The following CUBN variants were observed in gnomAD, a reference collection of about 807,000 sequenced individuals.
The protein encoded by CUBN is 460 kDa receptor.
CUBN carries 282 observed loss-of-function variants against 405.3 expected under a neutral mutation model. The observed-to-expected ratio is 0.70, with a 90% CI of 0.63 to 0.77. CUBN has a LOEUF of 0.77. Ranked by LOEUF, CUBN falls within the 30% of genes least tolerant of loss-of-function variation. CUBN has a pLI of 0.00. For missense variants in CUBN, 4,514 were observed against 4,475.2 expected (o/e 1.01, Z -0.25); for synonymous variants, 1,684 against 1,617.0 (o/e 1.04, Z -0.99).
chr10:17,015,983 T>C (rs1399768687), intron 28 of CUBN, among the ~76,000 whole-genome samples: 1 of 152,212 alleles, frequency 6.6e-6, no homozygotes, highest in Admixed American at 6.5e-5. Flanking sequence ...ATCCCTATTA[T>C]AGAACACCGA....
At chr10:17,081,303 A>G (rs1835961421) in intron 17 of CUBN, among the ~76,000 whole-genome samples, 1 of 152,166 alleles carries the variant, frequency 6.6e-6, no homozygotes, top group African/African-American at 2.4e-5. Context: ...AAGTACACCT[A>G]TTCACATGCA....
At chr10:16,934,940 G>A (rs867476648) in intron 39 of CUBN, among the ~76,000 whole-genome samples, 5 of 152,088 alleles carry the variant, frequency 3.3e-5, no homozygotes, top group East Asian at 1.9e-4. Context: ...GTTTGTTACC[G>A]CCATATGGCT....
At chr10:16,952,226 C>T (rs1842939176) in intron 33 of CUBN, 50 bp downstream of exon 33, 1 of 1,356,640 alleles carries the variant, frequency 7.4e-7, no homozygotes, top group South Asian at 1.2e-5. Flanking sequence ...GACCTTCCCA[C>T]AGACACCTTC....
chr10:16,928,343 G>A (rs779961543), intron 40 of CUBN, 40 bp from the exon 41 acceptor site: 54 of 1,606,818 alleles, frequency 3.4e-5, no homozygotes, highest in Non-Finnish European at 4.1e-5. Flanking sequence ...AATACATCTT[G>A]AGAATCTACT....
In CUBN at chr10:17,044,957, G is replaced by A. The variant is rs76580699; in HGVS notation, c.3672+50C>T. The A allele has an allele frequency of 1.6e-3, 2,387 of 1,536,618 alleles. 58 individuals carry two copies. The East Asian group carries it at 0.046, about 30-fold the overall frequency. On this transcript the variant is annotated intron_variant, in intron 25 of 66. Coordinates refer to ENST00000377833, the MANE Select transcript of CUBN (RefSeq NM_001081.4). ...GAAAATAAAAATAAGTGCATTGTGC[G>A]TTGGGTGAGATGGGAGCAGGGAACA...
At chr10:16,898,480 A>C (rs920919153) in intron 54 of CUBN, among the ~76,000 whole-genome samples, 4 of 152,182 alleles carry the variant, frequency 2.6e-5, no homozygotes, top group African/African-American at 9.7e-5. Context: ...ACTTTTAGAG[A>C]TATAACTTGG....
At chr10:17,075,660 C>T (rs1835842371) in intron 17 of CUBN, among the ~76,000 whole-genome samples, 1 of 152,074 alleles carries the variant, frequency 6.6e-6, no homozygotes. Flanking sequence ...ATGATTCAGC[C>T]ATATGATAGA....
At chr10:16,831,476 T>A in intron 64 of CUBN, 59 bp from the exon 65 acceptor site, 2 of 1,386,580 alleles carry the variant, frequency 1.4e-6, no homozygotes, top group Non-Finnish European at 1.0e-6. Context: ...GTATATACAT[T>A]AAAATGGAGA....
intron 28 of CUBN, among the ~76,000 whole-genome samples, chr10:17,001,338 A>G (rs1472281859): frequency 6.6e-6 from 1 of 152,112 alleles, no homozygotes; most frequent in East Asian, 1.9e-4. Context: ...TTATTCCCTT[A>G]TTTGGCCCCG....
intron 17 of CUBN, among the ~76,000 whole-genome samples, chr10:17,082,234 A>G (rs1835989599): frequency 6.6e-6 from 1 of 152,236 alleles, no homozygotes; most frequent in African/African-American, 2.4e-5. Flanking sequence ...ATCTTACTGA[A>G]GTAGGAACTG....
chr10:17,083,325 G>T (rs1241292653), intron 17 of CUBN, among the ~76,000 whole-genome samples: 2 of 151,968 alleles, frequency 1.3e-5, no homozygotes, highest in African/African-American at 4.8e-5. Flanking sequence ...GCCCATCATG[G>T]AGAAATCTCA....
chr10:16,828,712 G>A, intron 66 of CUBN, 93 bp downstream of exon 66: 1 of 1,001,456 alleles, frequency 1.0e-6, no homozygotes. Flanking sequence ...ACAAGAGCGA[G>A]ATTCCATCTT....
At chr10:17,073,787 T>C (rs1284338740) in intron 17 of CUBN, among the ~76,000 whole-genome samples, 2 of 152,176 alleles carry the variant, frequency 1.3e-5, no homozygotes, top group Non-Finnish European at 2.9e-5. Flanking sequence ...GAATACAGTC[T>C]ATGGACTTGG....
intron 17 of CUBN, among the ~76,000 whole-genome samples, chr10:17,079,456 C>G (rs562855528): frequency 1.3e-4 from 19 of 151,966 alleles, no homozygotes; most frequent in African/African-American, 4.3e-4. Flanking sequence ...CCAGGCTGGT[C>G]TCAAACTCCT....
At chr10:16,991,536 C>G (rs973735503) in intron 28 of CUBN, among the ~76,000 whole-genome samples, 2 of 151,588 alleles carry the variant, frequency 1.3e-5, no homozygotes, top group Admixed American at 6.6e-5. Flanking sequence ...TTATGAGAGA[C>G]ACAATTAGAA....
At chr10:16,834,579 C>G (rs945100249) in intron 64 of CUBN, among the ~76,000 whole-genome samples, 1 of 152,190 alleles carries the variant, frequency 6.6e-6, no homozygotes, top group African/African-American at 2.4e-5. Context: ...CTGTAGCTGT[C>G]AGGAAAATTA....
Position 17,077,843 on chromosome 10 carries a change from C to T in CUBN, c.2302-5872G>A, listed in dbSNP as rs114274687. ...AAAATCATTTACTTTGGTTATTATCCTTTGTTCTTTATTAGTATGTTTCAT... is the reference window on the plus strand; with the variant it reads ...AAAATCATTTACTTTGGTTATTATCTTTTGTTCTTTATTAGTATGTTTCAT... On this transcript the variant is annotated intron_variant, in intron 17 of 66. Coordinates refer to ENST00000377833, the MANE Select transcript of CUBN (RefSeq NM_001081.4). 9.9e-3 allele frequency among the ~76,000 whole-genome samples: 1,502 copies of T among 152,224 alleles called. 29 individuals are homozygous for T. The highest frequency in any genetic ancestry group is 0.033 in the African/African-American group (1,350 of 41,530).
In CUBN at chr10:16,975,004, G is replaced by A. The variant is rs147422112; in HGVS notation, c.4695+7480C>T. Reference sequence around the variant, plus strand: ...TATGTTAATGGTAAGCCTTCTGTCCGTCATAGGTATTAGTAGTTAAGTTTT... The same window carrying A: ...TATGTTAATGGTAAGCCTTCTGTCCATCATAGGTATTAGTAGTTAAGTTTT... On this transcript the variant is annotated intron_variant, in intron 31 of 66. Coordinates refer to ENST00000377833, the MANE Select transcript of CUBN (RefSeq NM_001081.4). Among the ~76,000 whole-genome samples, 602 of 152,148 alleles carry A rather than the reference G, an allele frequency of 4.0e-3. 5 individuals are homozygous for A. Among genetic ancestry groups the A allele is most frequent in the African/African-American group, 0.013 (544 of 41,524 alleles).
intron 28 of CUBN, among the ~76,000 whole-genome samples, chr10:16,996,002 T>C (rs1036892752): frequency 6.6e-6 from 1 of 152,116 alleles, no homozygotes; most frequent in East Asian, 1.9e-4. Flanking sequence ...CAAAACCCTA[T>C]TGTGACACCC....
Sources: gnomAD v4.1 joint callset for allele counts (sites outside exome capture counted in the v4.1 genomes callset) on GRCh38, gnomAD v4.1.1 for gene constraint, MANE v1.5 for transcripts, NCBI Gene and HGNC (gene_info 2026-07-23, HGNC 2026-07-21) for gene names.